The following TENM2 variants were observed in gnomAD, a reference collection of about 807,000 sequenced individuals.
The protein encoded by TENM2 is teneurin-2.
In TENM2, 52 loss-of-function variants were observed where a neutral mutation model predicts 245.2. That is an observed-to-expected ratio of 0.21 (90% CI 0.17 to 0.27). The LOEUF is 0.27. TENM2 is among the 10% of genes least tolerant of loss of function. The pLI is 1.00. For synonymous variants in TENM2, 1,363 were observed against 1,438.9 expected (o/e 0.95, Z 1.19); for missense variants, 3,046 against 3,666.8 (o/e 0.83, Z 4.37).
intron 7 of TENM2, among the ~76,000 whole-genome samples, chr5:168,065,325 T>C (rs1011635247): frequency 2.0e-5 from 3 of 152,186 alleles, no homozygotes; most frequent in Non-Finnish European, 4.4e-5. Context: ...TTTATAGAGA[T>C]ACAGAGACAA....
chr5:167,225,174 A>G, the TENM2 span, among the ~76,000 whole-genome samples: 5 of 151,810 alleles, frequency 3.3e-5, no homozygotes, highest in African/African-American at 7.2e-5. Flanking sequence ...TCCAATTTCA[A>G]TGCCTTTTAG....
At chr5:167,107,254 C>T in the TENM2 span, among the ~76,000 whole-genome samples, 3 of 148,836 alleles carry the variant, frequency 2.0e-5, no homozygotes, top group African/African-American at 7.5e-5. Context: ...AAGAGCGAAA[C>T]TTCGTGAAAG....
chr5:167,508,425 GT>G (rs762821177), intron 2 of TENM2, among the ~76,000 whole-genome samples: 7 of 152,164 alleles, frequency 4.6e-5, no homozygotes, highest in Middle Eastern at 3.2e-3. Context: ...TAACTTTATA[GT>G]TTAGTTATGA....
At chr5:167,210,038 C>G in the TENM2 span, among the ~76,000 whole-genome samples, 1 of 152,184 alleles carries the variant, frequency 6.6e-6, no homozygotes, top group Non-Finnish European at 1.5e-5. Context: ...GTGCTATAAA[C>G]AGGATAGATT....
chr5:167,985,477 C>T (rs752788306), intron 4 of TENM2, among the ~76,000 whole-genome samples: 2 of 152,042 alleles, frequency 1.3e-5, no homozygotes, highest in African/African-American at 4.8e-5. Flanking sequence ...ATTTCAAAAA[C>T]GTTTGCTGCC....
At chr5:167,946,983 A>G (rs974681111) in intron 3 of TENM2, among the ~76,000 whole-genome samples, 7 of 151,778 alleles carry the variant, frequency 4.6e-5, no homozygotes, top group African/African-American at 1.7e-4. Flanking sequence ...ATCCCGTTTT[A>G]TTTTTGTGGG....
chr5:167,090,007 G>A, the TENM2 span, among the ~76,000 whole-genome samples: 19 of 152,112 alleles, frequency 1.2e-4, no homozygotes, highest in African/African-American at 4.6e-4. Flanking sequence ...GATAGAAAAA[G>A]CTAATTCCTG....
At chr5:167,071,378 G>C in the TENM2 span, among the ~76,000 whole-genome samples, 2 of 152,126 alleles carry the variant, frequency 1.3e-5, no homozygotes, top group African/African-American at 4.8e-5. Context: ...TGCTAAAGCT[G>C]TGTGATATAA....
chr5:167,394,392 T>C lies in TENM2; in HGVS notation c.502+18919T>C, dbSNP rs564015121. The stretch of plus-strand genomic sequence containing the variant: ...TGAGGAGACTATCCTTTCTTCTTTT[T>C]GTATTCTTGGATCCTTGTTGAAGAT... On this transcript the variant is annotated intron_variant, in intron 2 of 28. Coordinates refer to ENST00000518659, the Ensembl canonical transcript of TENM2. Among the ~76,000 whole-genome samples, 29 of 152,264 alleles carry C rather than the reference T, an allele frequency of 1.9e-4. No individual in the cohort carries two copies. In the South Asian group the frequency reaches 6.0e-3, roughly 32 times the overall value.
chr5:167,167,553 C>G, the TENM2 span, among the ~76,000 whole-genome samples: 1 of 152,192 alleles, frequency 6.6e-6, no homozygotes, highest in Admixed American at 6.5e-5. Context: ...AGAATGACTA[C>G]TCATTTTTCA....
At chr5:167,241,857 T>C in the TENM2 span, among the ~76,000 whole-genome samples, 4 of 151,942 alleles carry the variant, frequency 2.6e-5, no homozygotes, top group African/African-American at 9.7e-5. Flanking sequence ...TGTAATAGAG[T>C]AACGGTTGAT....
chr5:168,151,185 C>T (rs112166035), intron 12 of TENM2, among the ~76,000 whole-genome samples: 16 of 152,172 alleles, frequency 1.1e-4, no homozygotes, highest in African/African-American at 3.1e-4. Context: ...ACAACTCTTG[C>T]GTTTTAAGGG....
chr5:167,344,162 T>A (rs1187674278), intron 1 of TENM2, among the ~76,000 whole-genome samples: 1 of 148,492 alleles, frequency 6.7e-6, no homozygotes, highest in Non-Finnish European at 1.5e-5. Flanking sequence ...TATATGTATT[T>A]TATATATATA....
intron 2 of TENM2, among the ~76,000 whole-genome samples, chr5:167,684,220 C>T (rs1756928950): frequency 6.6e-6 from 1 of 152,212 alleles, no homozygotes; most frequent in Non-Finnish European, 1.5e-5. Flanking sequence ...TCAGCCTTGC[C>T]TACCCATCCC....
intron 2 of TENM2, among the ~76,000 whole-genome samples, chr5:167,567,996 G>A (rs1774023156): frequency 6.7e-6 from 1 of 150,126 alleles, no homozygotes; most frequent in Non-Finnish European, 1.5e-5. Context: ...AAAATACTTC[G>A]CTCATGTAAC....
chr5:167,095,831 C>T, the TENM2 span, among the ~76,000 whole-genome samples: 818 of 147,930 alleles, frequency 5.5e-3, 6 homozygotes, highest in African/African-American at 0.02. Flanking sequence ...AGTGCAATGG[C>T]GTGATCTCGG....
intron 3 of TENM2, among the ~76,000 whole-genome samples, chr5:167,911,078 A>G (rs1436466887): frequency 1.3e-5 from 2 of 152,206 alleles, no homozygotes; most frequent in African/African-American, 4.8e-5. Flanking sequence ...CAATCTCAAG[A>G]ATTAAGAGTA....
intron 5 of TENM2, among the ~76,000 whole-genome samples, chr5:168,014,405 AGT>A (rs200975980): frequency 0.012 from 1,837 of 152,298 alleles, 118 homozygotes; most frequent in Admixed American, 0.11. Flanking sequence ...CTCAGCCCCA[AGT>A]GCGCTGGCCT....
At chr5:167,640,883 A>C (rs556945619) in intron 2 of TENM2, among the ~76,000 whole-genome samples, 2 of 68,158 alleles carry the variant, frequency 2.9e-5, no homozygotes, top group Non-Finnish European at 5.1e-5. Flanking sequence ...ATATATATAT[A>C]TATATATATA....
Sources: gnomAD v4.1 joint callset for allele counts (sites outside exome capture counted in the v4.1 genomes callset) on GRCh38, gnomAD v4.1.1 for gene constraint, MANE v1.5 for transcripts, NCBI Gene and HGNC (gene_info 2026-07-23, HGNC 2026-07-21) for gene names.